Variants in CCAR1 observed in about 807,000 individuals in gnomAD.
The protein encoded by CCAR1 is cell division cycle and apoptosis regulator 1.
CCAR1 carries 78 observed loss-of-function variants against 163.8 expected under a neutral mutation model. The ratio of observed to expected loss-of-function variants is 0.48; its 90% CI spans 0.40 to 0.57. The LOEUF (loss-of-function observed/expected upper bound fraction) is 0.57. Among genes scored for constraint, CCAR1 ranks in the 20% least tolerant of loss-of-function variants. The probability of loss-of-function intolerance (pLI) is 0.00; values close to 1 mark genes in which losing one functional copy is unlikely to be tolerated. For missense variants in CCAR1, 1,019 were observed against 1,365.2 expected, an observed-to-expected ratio of 0.75 and a Z score of 4.00; for synonymous variants, 443 against 460.7, an observed-to-expected ratio of 0.96 and a Z score of 0.49.
At chr10:68,781,061 G>T (rs1185933743) in intron 19 of CCAR1, among the ~76,000 whole-genome samples, 1 of 151,920 alleles carries the variant, frequency 6.6e-6, no homozygotes, top group Non-Finnish European at 1.5e-5. Flanking sequence ...GCGAAACCCT[G>T]TCTCTACTAA....
In CCAR1 at chr10:68,757,389, A is replaced by G. The variant is rs767678563; in HGVS notation, c.1920+12A>G. The G allele has an allele frequency of 1.2e-5, 17 of 1,384,104 alleles. No homozygotes were observed. The highest frequency in any genetic ancestry group is 1.5e-5 in the Non-Finnish European group (15 of 980,406). 85.7% of individuals were successfully genotyped at this position (1,384,104 alleles called of 1,614,324 possible). Reference sequence around the variant, plus strand: ...CAAAGACAATGAAGGTAACTTTGATAAGGATGGATTTTATTTATTTTTTTC... The same window carrying G: ...CAAAGACAATGAAGGTAACTTTGATGAGGATGGATTTTATTTATTTTTTTC... On this transcript the variant is annotated intron_variant, in intron 15 of 24. Coordinates refer to ENST00000265872, the MANE Select transcript of CCAR1 (RefSeq NM_018237.4).
chr10:68,733,350 G>C (rs1044019125), intron 2 of CCAR1, among the ~76,000 whole-genome samples: 3 of 152,148 alleles, frequency 2.0e-5, no homozygotes, highest in African/African-American at 7.2e-5. Flanking sequence ...GGTTGAGGTT[G>C]CAGTGAGCCA....
chr10:68,724,550 A>G (rs1369745370), intron 2 of CCAR1, among the ~76,000 whole-genome samples: 2 of 152,080 alleles, frequency 1.3e-5, no homozygotes, highest in Non-Finnish European at 2.9e-5. Context: ...TTGGCCTCCT[A>G]AAGTGCTGGG....
intron 5 of CCAR1, among the ~76,000 whole-genome samples, chr10:68,742,072 A>G (rs2056190876): frequency 6.6e-6 from 1 of 152,202 alleles, no homozygotes; most frequent in Non-Finnish European, 1.5e-5. Context: ...ATTTCATGAG[A>G]AAATAGTTTT....
At chr10:68,786,436 A>G in intron 20 of CCAR1, 110 bp from the exon 21 acceptor site, 1 of 807,386 alleles carries the variant, frequency 1.2e-6, no homozygotes, top group South Asian at 2.0e-5. Flanking sequence ...GGATGAGGCA[A>G]ATATCTTATT....
Position 68,749,549 on chromosome 10 carries a change from A to G in CCAR1, c.982A>G (p.Arg328Gly). The change falls in exon 10 of 25, where the codon AGA becomes GGA. Residue 328 changes from arginine to glycine, a missense_variant. Physicochemically the swap from Arg to Gly is moderately radical, Grantham distance 125 (BLOSUM62 -2). Around this residue, in one of 4 missense-constraint regions of CCAR1, gnomAD observed 644 missense variants for 904.4 expected, o/e 0.71. Transcript: ENST00000265872. ...RSRERERERR[R>G]SRERSPQRKR... ...TCGTGAGAGAGAGAGAGAAAGACGT[A>G]GATCGAGAGAAAGATCACCTCAGAG... is the stretch of plus-strand genomic sequence containing the variant. 6.2e-7 allele frequency: 1 copy of G among 1,613,802 alleles called. No homozygotes were observed. Among genetic ancestry groups the G allele is most frequent in the Non-Finnish European group, 8.5e-7 (1 of 1,179,830 alleles).
Position 68,756,539 on chromosome 10 carries a change from G to T in CCAR1, c.1836+56G>T, listed in dbSNP as rs2056398909. ...CGCTTCTCACAGGCACAGGAACACA[G>T]GCACAAATGCACACCACACACTACA... On this transcript the variant is annotated intron_variant, in intron 14 of 24. Transcript: ENST00000265872. This position sits in a 1 kb window ranked among gnomAD's most constrained non-coding sequence, Gnocchi z 5.1. The T allele has an allele frequency of 7.4e-7, 1 of 1,344,074 alleles. No homozygotes were observed. The highest frequency in any genetic ancestry group is 1.4e-5 in the African/African-American group (1 of 69,086). 83.3% of individuals were successfully genotyped at this position (1,344,074 alleles called of 1,614,324 possible).
At chr10:68,773,123 C>G in intron 19 of CCAR1, 24 bp downstream of exon 19, 2 of 1,163,572 alleles carry the variant, frequency 1.7e-6, no homozygotes, top group South Asian at 2.8e-5. Context: ...TTATTTATTA[C>G]TTCTTAGAGT....
At chr10:68,789,998 C>T in intron 24 of CCAR1, 83 bp downstream of exon 24, 2 of 834,166 alleles carry the variant, frequency 2.4e-6, no homozygotes, top group Non-Finnish European at 3.6e-6. Flanking sequence ...TGTTATTAAG[C>T]TCTTAGTGAT....
chr10:68,778,913 C>T (rs529807347), intron 19 of CCAR1, among the ~76,000 whole-genome samples: 1 of 152,124 alleles, frequency 6.6e-6, no homozygotes, highest in African/African-American at 2.4e-5. Flanking sequence ...TGCACTGGTG[C>T]GATCTCAGCT....
At chr10:68,724,942 C>T (rs554000622) in intron 2 of CCAR1, among the ~76,000 whole-genome samples, 1 of 152,060 alleles carries the variant, frequency 6.6e-6, no homozygotes, top group Admixed American at 6.6e-5. Flanking sequence ...AGTTCAAGAC[C>T]AGCCTGACAA....
chr10:68,774,801 G>T (rs1472513810), intron 19 of CCAR1, among the ~76,000 whole-genome samples: 2 of 152,058 alleles, frequency 1.3e-5, no homozygotes, highest in African/African-American at 2.4e-5. Flanking sequence ...TACAGTAGAT[G>T]CTCTGACCGT....
intron 2 of CCAR1, among the ~76,000 whole-genome samples, chr10:68,734,869 G>A (rs766120604): frequency 1.3e-5 from 2 of 152,132 alleles, no homozygotes; most frequent in Non-Finnish European, 1.5e-5. Flanking sequence ...AAAGGATCAA[G>A]TAAAACCTTT....
chr10:68,737,123 A>G, intron 3 of CCAR1, 75 bp downstream of exon 3: 2 of 949,838 alleles, frequency 2.1e-6, no homozygotes, highest in South Asian at 1.5e-5. Context: ...TGCTACCTTC[A>G]TTTTACAGGT....
rs1288807076 is a variant in CCAR1, at chr10:68,748,528, G to GC, written c.827-606dup. Reference sequence around the variant, plus strand: ...TTTTGAGGCAGGGTTTCTCTCTATCGCCAAGGCTAGAGTGCAGTGGTGTAA... The same window carrying GC: ...TTTTGAGGCAGGGTTTCTCTCTATCGCCCAAGGCTAGAGTGCAGTGGTGTAA... On this transcript the variant is annotated intron_variant, in intron 8 of 24. Transcript: ENST00000265872. Among the ~76,000 whole-genome samples, 5 of 128,150 alleles carry GC rather than the reference G, an allele frequency of 3.9e-5. No individual in the cohort carries two copies. The East Asian group carries it at 8.8e-4, about 23-fold the overall frequency. 84.1% of individuals were successfully genotyped at this position (128,150 alleles called of 152,430 possible).
At chr10:68,790,993 T>C (rs532710967) in intron 24 of CCAR1, among the ~76,000 whole-genome samples, 1 of 152,010 alleles carries the variant, frequency 6.6e-6, no homozygotes. Context: ...CCACCACACC[T>C]GCCCCATTCA....
In CCAR1 at chr10:68,747,416, G is replaced by C; in HGVS notation, c.676G>C (p.Val226Leu). 6.2e-7 allele frequency: 1 copy of C among 1,614,008 alleles called. No homozygotes were observed. Among genetic ancestry groups the C allele is most frequent in the Non-Finnish European group, 8.5e-7 (1 of 1,179,996 alleles). The change falls in exon 8 of 25, where the codon GTA (valine) becomes CTA (leucine). Residue 226 changes from valine (V) to leucine (L), a missense_variant. Physicochemically the swap from Val to Leu is conservative, Grantham distance 32. Transcript: ENST00000265872. The stretch of plus-strand genomic sequence containing the variant: ...GCCATTACTGAAGACTCCTCCTGCT[G>C]TACTTCAGCCAATTGCACCACAGAC... ...TQPLLKTPPA[V>L]LQPIAPQTTF...
chr10:68,760,831 T>C, intron 15 of CCAR1, 176 bp from the exon 16 acceptor site: 1 of 420,782 alleles, frequency 2.4e-6, no homozygotes, highest in South Asian at 3.6e-5. Flanking sequence ...GCCACTGCAC[T>C]CCAGCCTGGG....
At position 68,775,503 on chromosome 10, in the gene CCAR1, T is replaced by C. The variant is rs1054705884; in HGVS notation, c.2650+2404T>C. Among the ~76,000 whole-genome samples the C allele has an allele frequency of 9.9e-4, 149 of 150,278 alleles. 1 individual carries two copies. Among genetic ancestry groups the C allele is most frequent in the African/African-American group, 3.5e-3 (143 of 41,072 alleles). On this transcript the variant is annotated intron_variant, in intron 19 of 24. Transcript: ENST00000265872. ...CAGCTGTCAGCCTCATTTTCTTTTT[T>C]TTTTTTTTTTTGTTTTTTGTTTTTT... is the stretch of plus-strand genomic sequence containing the variant.
Sources: allele counts gnomAD v4.1 joint callset (sites outside exome capture counted in the v4.1 genomes callset), GRCh38; gene constraint gnomAD v4.1.1; regional missense constraint gnomAD v4.1.1; non-coding constraint Gnocchi (gnomAD v3.1); transcripts MANE v1.5; gene names NCBI Gene and HGNC (gene_info 2026-07-23, HGNC 2026-07-21).